Variants in KHDRBS2 observed in about 807,000 individuals in gnomAD.
KHDRBS2 encodes KH RNA binding domain containing, signal transduction associated 2.
KHDRBS2 carries 26 observed loss-of-function variants against 44.3 expected under a neutral mutation model. That is an observed-to-expected ratio of 0.59 (90% confidence interval 0.43 to 0.81). KHDRBS2 has a LOEUF of 0.81. KHDRBS2 is among the 40% of genes least tolerant of loss of function. The probability of loss-of-function intolerance (pLI) is 0.00; values close to 1 mark genes in which losing one functional copy is unlikely to be tolerated. For missense variants in KHDRBS2, 476 were observed against 433.1 expected (o/e 1.10, Z -0.88); for synonymous variants, 194 against 151.1 (o/e 1.28, Z -2.08).
intron 6 of KHDRBS2, among the ~76,000 whole-genome samples, chr6:61,893,657 C>G (rs1468869325): frequency 1.3e-5 from 2 of 152,008 alleles, no homozygotes; most frequent in African/African-American, 4.8e-5. Flanking sequence ...AGACAAAAAA[C>G]CAAACACCGC....
chr6:62,007,669 C>T (rs1335004761), intron 3 of KHDRBS2, among the ~76,000 whole-genome samples: 2 of 146,162 alleles, frequency 1.4e-5, no homozygotes, highest in Non-Finnish European at 3.0e-5. Context: ...CACACATATG[C>T]CTCTTTAGGG....
intron 2 of KHDRBS2, among the ~76,000 whole-genome samples, chr6:62,174,111 G>A (rs1820619898): frequency 6.6e-6 from 1 of 151,682 alleles, no homozygotes; most frequent in Admixed American, 6.6e-5. Context: ...AAGGGAGAAA[G>A]CCAAACTATC....
At chr6:61,692,120 G>C (rs1204126) in intron 8 of KHDRBS2, among the ~76,000 whole-genome samples, 1 of 151,914 alleles carries the variant, frequency 6.6e-6, no homozygotes, top group African/African-American at 2.4e-5. Flanking sequence ...ATGTGAAGCA[G>C]TGCTTAGCCA....
chr6:61,810,436 C>T (rs1787937829), intron 6 of KHDRBS2, among the ~76,000 whole-genome samples: 2 of 152,126 alleles, frequency 1.3e-5, no homozygotes, highest in South Asian at 2.1e-4. Flanking sequence ...TTCTCAACTG[C>T]CTAGCCAGTG....
intron 6 of KHDRBS2, among the ~76,000 whole-genome samples, chr6:61,810,222 G>A (rs1743457): frequency 0.64 from 97,444 of 151,896 alleles, 32,113 homozygotes; most frequent in African/African-American, 0.8. Flanking sequence ...TACTGAGAGC[G>A]AGGTCAGGTT....
chr6:62,257,869 C>T (rs912478194), intron 1 of KHDRBS2, among the ~76,000 whole-genome samples: 23 of 151,908 alleles, frequency 1.5e-4, no homozygotes, highest in African/African-American at 5.6e-4. Flanking sequence ...TGGTCTTTAC[C>T]CAATTACAGA....
At chr6:61,947,232 G>A (rs1230509797) in intron 4 of KHDRBS2, among the ~76,000 whole-genome samples, 1 of 152,122 alleles carries the variant, frequency 6.6e-6, no homozygotes, top group Non-Finnish European at 1.5e-5. Context: ...TCATCAGTCA[G>A]TTAATGTGAA....
intron 6 of KHDRBS2, among the ~76,000 whole-genome samples, chr6:61,755,178 C>A (rs776523945): frequency 6.6e-6 from 1 of 152,054 alleles, no homozygotes; most frequent in Non-Finnish European, 1.5e-5. Flanking sequence ...AATAGAGCAT[C>A]TTTAGGGATT....
At chr6:62,178,895 TG>T (rs1191463154) in intron 1 of KHDRBS2, among the ~76,000 whole-genome samples, 10 of 151,596 alleles carry the variant, frequency 6.6e-5, no homozygotes, top group African/African-American at 2.4e-4. Context: ...GAAAAGGTGA[TG>T]ATAGTTATTA....
At chr6:62,039,492 A>G (rs1309876562) in intron 3 of KHDRBS2, among the ~76,000 whole-genome samples, 1 of 151,922 alleles carries the variant, frequency 6.6e-6, no homozygotes, top group Non-Finnish European at 1.5e-5. Context: ...TTCTAAACTT[A>G]ATTGCCTTTG....
chr6:62,088,559 T>A (rs1798863105), intron 2 of KHDRBS2, among the ~76,000 whole-genome samples: 1 of 152,166 alleles, frequency 6.6e-6, no homozygotes, highest in Non-Finnish European at 1.5e-5. Context: ...TTGCTGCCTG[T>A]TCCTTCCTCT....
chr6:61,545,362 G>A, the KHDRBS2 span, among the ~76,000 whole-genome samples: 1 of 151,984 alleles, frequency 6.6e-6, no homozygotes, highest in Non-Finnish European at 1.5e-5. Context: ...GATAGATTTA[G>A]TCTTCTTAAT....
chr6:61,949,873 T>G (rs942572460), intron 4 of KHDRBS2, among the ~76,000 whole-genome samples: 1 of 152,094 alleles, frequency 6.6e-6, no homozygotes, highest in Non-Finnish European at 1.5e-5. Flanking sequence ...TTTTACCTCA[T>G]GTTTTAAACT....
chr6:62,271,279 C>T (rs1229395320), intron 1 of KHDRBS2, among the ~76,000 whole-genome samples: 1 of 152,112 alleles, frequency 6.6e-6, no homozygotes, highest in Non-Finnish European at 1.5e-5. Context: ...CTGAAAAACT[C>T]CTAAGGTTTA....
chr6:62,194,342 T>C (rs1825198485), intron 1 of KHDRBS2, among the ~76,000 whole-genome samples: 1 of 151,966 alleles, frequency 6.6e-6, no homozygotes, highest in South Asian at 2.1e-4. Context: ...CCACATTGAA[T>C]GCTCTTGAAA....
At chr6:61,892,409 T>A (rs1802020499) in intron 6 of KHDRBS2, among the ~76,000 whole-genome samples, 2 of 151,992 alleles carry the variant, frequency 1.3e-5, no homozygotes, top group East Asian at 1.9e-4. Flanking sequence ...TACTTTAAAG[T>A]TCATATGGAA....
At chr6:62,172,277 G>A (rs1235976288) in intron 2 of KHDRBS2, among the ~76,000 whole-genome samples, 1 of 151,748 alleles carries the variant, frequency 6.6e-6, no homozygotes, top group Non-Finnish European at 1.5e-5. Flanking sequence ...AAAAATCAGG[G>A]GTTGCTACTC....
At chr6:61,615,509 C>G in the KHDRBS2 span, among the ~76,000 whole-genome samples, 1 of 151,998 alleles carries the variant, frequency 6.6e-6, no homozygotes, top group Non-Finnish European at 1.5e-5. Context: ...AGTGTTATTT[C>G]TTTTTTATAC....
At chr6:62,245,538 G>A (rs1386861589) in intron 1 of KHDRBS2, among the ~76,000 whole-genome samples, 1 of 151,918 alleles carries the variant, frequency 6.6e-6, no homozygotes, top group Non-Finnish European at 1.5e-5. Context: ...AATAACTATT[G>A]GCCAGGATCA....
Sources: allele counts gnomAD v4.1 joint callset (sites outside exome capture counted in the v4.1 genomes callset), GRCh38; gene constraint gnomAD v4.1.1; transcripts MANE v1.5; gene names NCBI Gene and HGNC (gene_info 2026-07-23, HGNC 2026-07-21).